Variants in OLA1 observed in about 807,000 individuals in gnomAD.
OLA1 encodes the protein obg-like ATPase 1.
In OLA1, 14 loss-of-function variants were observed where a neutral mutation model predicts 48.4. The ratio of observed to expected loss-of-function variants is 0.29; its 90% CI spans 0.19 to 0.45. The LOEUF is 0.45. Among genes scored for constraint, OLA1 ranks in the 20% least tolerant of loss-of-function variants. The pLI is 1.00. For synonymous variants in OLA1, 127 were observed against 150.4 expected (o/e 0.84, Z 1.14); for missense variants, 325 against 467.1 (o/e 0.70, Z 2.80).
chr2:174,232,781 G>A (rs375567717), intron 2 of OLA1, among the ~76,000 whole-genome samples: 1 of 152,124 alleles, frequency 6.6e-6, no homozygotes, highest in Admixed American at 6.6e-5. Context: ...TGGTATAGAC[G>A]CTACGGAAAA....
intron 5 of OLA1, among the ~76,000 whole-genome samples, chr2:174,128,435 T>A (rs565802856): frequency 7.3e-5 from 11 of 151,302 alleles, no homozygotes; most frequent in East Asian, 1.9e-4. Flanking sequence ...ATTTTTTTTT[T>A]AAATAAAATA....
chr2:174,207,398 G>A (rs1688141733), intron 4 of OLA1, among the ~76,000 whole-genome samples: 1 of 152,100 alleles, frequency 6.6e-6, no homozygotes, highest in African/African-American at 2.4e-5. Context: ...ACAGAATGAA[G>A]TCACATCTGT....
At chr2:174,093,703 C>G (rs182693997) in intron 7 of OLA1, among the ~76,000 whole-genome samples, 1 of 152,116 alleles carries the variant, frequency 6.6e-6, no homozygotes, top group African/African-American at 2.4e-5. Flanking sequence ...ATAGTTGTCA[C>G]GAGATATGAA....
intron 2 of OLA1, among the ~76,000 whole-genome samples, chr2:174,241,584 A>G (rs1007437420): frequency 6.6e-6 from 1 of 152,192 alleles, no homozygotes; most frequent in Non-Finnish European, 1.5e-5. Context: ...GTTTGAACAC[A>G]GTATACTAGT....
chr2:174,167,160 T>C (rs1687185658), intron 4 of OLA1, among the ~76,000 whole-genome samples: 1 of 151,510 alleles, frequency 6.6e-6, no homozygotes, highest in Admixed American at 6.6e-5. Context: ...TCAGTAAATA[T>C]AAACTAGTTA....
At chr2:174,216,681 T>C (rs950222993) in intron 4 of OLA1, among the ~76,000 whole-genome samples, 6 of 151,780 alleles carry the variant, frequency 4.0e-5, no homozygotes. Context: ...GCCTCTTGAG[T>C]AGCTAGGACT....
rs59850407 is a variant in OLA1, at chr2:174,188,735, A to G, written c.373+34298T>C. ...GCTTTCTGATGGTTTGACATATACA[A>G]ACTTTTGTTTCATGCACAAAATTAT... On this transcript the variant is annotated intron_variant, in intron 4 of 10. Coordinates refer to ENST00000284719, the MANE Select transcript of OLA1 (RefSeq NM_013341.5). 2.4e-3 allele frequency among the ~76,000 whole-genome samples: 366 copies of G among 152,304 alleles called. 2 individuals carry two copies. Among genetic ancestry groups the G allele is most frequent in the African/African-American group, 8.4e-3 (349 of 41,568 alleles).
At chr2:174,079,686 T>A (rs1313346491) in intron 9 of OLA1, among the ~76,000 whole-genome samples, 1 of 151,898 alleles carries the variant, frequency 6.6e-6, no homozygotes, top group African/African-American at 2.4e-5. Flanking sequence ...AAATGTCTTA[T>A]AATTAACCCA....
intron 7 of OLA1, among the ~76,000 whole-genome samples, chr2:174,117,292 T>C (rs376473646): frequency 3.3e-5 from 5 of 152,352 alleles, no homozygotes; most frequent in African/African-American, 1.2e-4. Flanking sequence ...ACACATTTTA[T>C]ATGAACAATC....
intron 8 of OLA1, 85 bp from the exon 9 acceptor site, chr2:174,081,333 C>G: frequency 1.0e-6 from 1 of 962,810 alleles, no homozygotes; most frequent in Non-Finnish European, 1.6e-6. Flanking sequence ...TCATTTCAAG[C>G]AGAAAATGTT....
At chr2:174,188,885 C>A (rs1687714739) in intron 4 of OLA1, among the ~76,000 whole-genome samples, 1 of 152,070 alleles carries the variant, frequency 6.6e-6, no homozygotes, top group African/African-American at 2.4e-5. Flanking sequence ...GCAAATGTTC[C>A]AAAATCTGAG....
At chr2:174,113,069 T>C (rs952600445) in intron 7 of OLA1, among the ~76,000 whole-genome samples, 1 of 152,064 alleles carries the variant, frequency 6.6e-6, no homozygotes, top group African/African-American at 2.4e-5. Context: ...GCCTCCCGAG[T>C]AGCTGGGATT....
intron 1 of OLA1, chr2:174,247,368 T>C (rs972350511): frequency 7.5e-5 from 20 of 268,032 alleles, no homozygotes; most frequent in Non-Finnish European, 1.3e-4. Context: ...CTAGGCTCTG[T>C]CTTAAATAAA....
At chr2:174,216,018 C>G (rs1688353791) in intron 4 of OLA1, among the ~76,000 whole-genome samples, 2 of 152,012 alleles carry the variant, frequency 1.3e-5, no homozygotes, top group Admixed American at 1.3e-4. Flanking sequence ...TAACATAAGC[C>G]AGGCAAGTGG....
intron 4 of OLA1, among the ~76,000 whole-genome samples, chr2:174,170,483 T>C (rs577739159): frequency 6.6e-6 from 1 of 152,100 alleles, no homozygotes; most frequent in South Asian, 2.1e-4. Flanking sequence ...AATAAAAAGA[T>C]ACAAATCCAA....
chr2:174,238,002 T>C (rs1456454920), intron 2 of OLA1, among the ~76,000 whole-genome samples: 1 of 152,200 alleles, frequency 6.6e-6, no homozygotes, highest in Non-Finnish European at 1.5e-5. Flanking sequence ...ACCTCCGTCA[T>C]ATATGCAGTC....
chr2:174,230,916 T>C (rs1688714206), intron 2 of OLA1, among the ~76,000 whole-genome samples: 1 of 152,236 alleles, frequency 6.6e-6, no homozygotes, highest in African/African-American at 2.4e-5. Context: ...AAGAAGTGAT[T>C]TGACCTCTAC....
At chr2:174,222,760 T>C (rs564270787) in intron 4 of OLA1, among the ~76,000 whole-genome samples, 7 of 152,322 alleles carry the variant, frequency 4.6e-5, no homozygotes, top group Non-Finnish European at 1.0e-4. Context: ...AAGTTCCATA[T>C]AGAAACACTT....
chr2:174,163,626 G>A (rs1353184513), intron 4 of OLA1, among the ~76,000 whole-genome samples: 1 of 149,252 alleles, frequency 6.7e-6, no homozygotes, highest in African/African-American at 2.5e-5. Flanking sequence ...GGAGGCAGAG[G>A]TTGCAATGAG....
Sources: gnomAD v4.1 joint callset for allele counts (sites outside exome capture counted in the v4.1 genomes callset) on GRCh38, gnomAD v4.1.1 for gene constraint, MANE v1.5 for transcripts, NCBI Gene and HGNC (gene_info 2026-07-23, HGNC 2026-07-21) for gene names.